Variants in BTNL8 observed in about 807,000 individuals in gnomAD.
BTNL8 encodes the protein butyrophilin-like protein 8.
Under a neutral mutation model 36.1 loss-of-function variants are expected in BTNL8, and 22 were observed. The ratio of observed to expected loss-of-function variants is 0.61; its 90% CI spans 0.44 to 0.87. The LOEUF (loss-of-function observed/expected upper bound fraction) is 0.87, where lower values mean the gene tolerates loss of function less well. Ranked by LOEUF, BTNL8 falls within the 40% of genes least tolerant of loss-of-function variation. BTNL8 has a pLI of 0.00. For missense variants in BTNL8, 526 were observed against 616.9 expected (o/e 0.85, Z 1.56); for synonymous variants, 203 against 235.6 (o/e 0.86, Z 1.27).
chr5:180,931,549 C>T (rs908915354), intron 3 of BTNL8, among the ~76,000 whole-genome samples: 4 of 151,964 alleles, frequency 2.6e-5, no homozygotes, highest in African/African-American at 7.3e-5. Context: ...AAAATTTTTG[C>T]AATCCATCCA....
rs368569419 is a variant in BTNL8 at position 180,949,274 on chromosome 5, G to A, written c.862+9G>A. The A allele has an allele frequency of 6.0e-5, 87 of 1,460,974 alleles. 26 individuals carry two copies. Among genetic ancestry groups the A allele is most frequent in the Non-Finnish European group, 7.6e-5 (80 of 1,058,262 alleles). 90.5% of individuals were successfully genotyped at this position (1,460,974 alleles called of 1,614,324 possible). A position where few individuals can be genotyped will look rare whatever the true frequency, so the allele number is the denominator to read the frequency against. On this transcript the variant is annotated intron_variant, in intron 7 of 7. Transcript: ENST00000340184. ...CGCCCGGAAACACGCAGGTACCAACGCCTGAGAGGGTGACAGTGGGACAGA... is the reference window on the plus strand; with the variant it reads ...CGCCCGGAAACACGCAGGTACCAACACCTGAGAGGGTGACAGTGGGACAGA...
Position 180,949,835 on chromosome 5 carries a change from G to A in BTNL8, c.863-69G>A, listed in dbSNP as rs113270200. On this transcript the variant is annotated intron_variant, in intron 7 of 7. Coordinates refer to ENST00000340184, the MANE Select transcript of BTNL8 (RefSeq NM_001040462.3). ...AGAGCCAGTCTGCAGTGGGAGGGTC[G>A]ACCTCTTGCTCCAGCCCAGATTTCG... 81 of 1,402,824 alleles carry A rather than the reference G, an allele frequency of 5.8e-5. 6 individuals are homozygous for A. In the African/African-American group the frequency reaches 1.1e-3, roughly 19 times the overall value. 86.9% of individuals were successfully genotyped at this position (1,402,824 alleles called of 1,614,324 possible).
intron 3 of BTNL8, among the ~76,000 whole-genome samples, chr5:180,919,847 A>G (rs1582030222): frequency 6.6e-6 from 1 of 152,222 alleles, no homozygotes. Flanking sequence ...AAAGATCTGT[A>G]CACTGAAAAC....
At chr5:180,908,072 A>C (rs1293127465) in intron 1 of BTNL8, among the ~76,000 whole-genome samples, 15 of 152,340 alleles carry the variant, frequency 9.8e-5, no homozygotes, top group East Asian at 1.9e-4. Flanking sequence ...TTGTTTACCT[A>C]ATCAAGCCTG....
In BTNL8 at chr5:180,950,026, A is replaced by C; in HGVS notation, c.985A>C (p.Ser329Arg). ...PHSEKRFTRK[S>R]VVASQSFQAG... ...CTCTGAGAAGAGATTTACAAGGAAG[A>C]GTGTGGTGGCTTCTCAGAGTTTCCA... The change falls in exon 8 of 8, where the codon AGT (serine) becomes CGT (arginine). Residue 329 changes from serine (S) to arginine (R), a missense_variant. Ser to Arg is a moderately radical substitution (Grantham distance 110, BLOSUM62 -1). Transcript: ENST00000340184. 2 of 1,462,208 alleles carry C rather than the reference A, an allele frequency of 1.4e-6. 1 individual carries two copies. The highest frequency in any genetic ancestry group is 1.9e-6 in the Non-Finnish European group (2 of 1,058,542). 90.6% of individuals were successfully genotyped at this position (1,462,208 alleles called of 1,614,324 possible). A position where few individuals can be genotyped will look rare whatever the true frequency, so the allele number is the denominator to read the frequency against.
At chr5:180,940,887 G>GTTTC (rs967765079) in intron 3 of BTNL8, among the ~76,000 whole-genome samples, 1 of 151,958 alleles carries the variant, frequency 6.6e-6, no homozygotes, top group Admixed American at 6.6e-5. Context: ...CCAACATGGT[G>GTTTC]GTGAAACCCT....
In BTNL8 at chr5:180,950,308, A is replaced by G. The variant is rs1759495235; in HGVS notation, c.1267A>G (p.Ile423Val). The stretch of plus-strand genomic sequence containing the variant: ...GTGTGGGACCATCTCCTTCTTCAAC[A>G]TAAATGACCAGTCCCTTATTTATAC... ...YECGTISFFN[I>V]NDQSLIYTLT... Residue 423 changes from isoleucine (I) to valine (V), a missense_variant, in exon 8 of 8, where the codon ATA becomes GTA. Physicochemically the swap from Ile to Val is conservative, Grantham distance 29. Transcript: ENST00000340184. 5 of 1,463,758 alleles carry G rather than the reference A, an allele frequency of 3.4e-6. 1 individual carries two copies. The East Asian group carries it at 9.8e-5, about 29-fold the overall frequency. The allele number at this position is 1,463,758 out of a possible 1,614,324, so 90.7% of individuals were successfully genotyped here.
At position 180,911,566 on chromosome 5, in the gene BTNL8, CG is replaced by C. The variant is rs1371663159; in HGVS notation, c.627del (p.His210MetfsTer4). On this transcript the variant is annotated frameshift_variant, in exon 3 of 8. Coordinates refer to ENST00000340184, the MANE Select transcript of BTNL8 (RefSeq NM_001040462.3). LOFTEE classifies it high-confidence loss of function. ...ENAGSISCSM[R>X]HAHLSREVES... is the part of the protein sequence containing the mutation. ...CGCCGGGAGCATATCCTGTTCCATG[CG>C]GCATGCTCATCTGAGCCGAGAGGTG... is the stretch of plus-strand genomic sequence containing the variant. The C allele has an allele frequency of 2.5e-6, 4 of 1,613,756 alleles. No individual in the cohort carries two copies. The African/African-American group carries it at 5.3e-5, about 22-fold the overall frequency.
At chr5:180,946,040 A>G (rs559199808) in intron 3 of BTNL8, 1 of 162,680 alleles carries the variant, frequency 6.1e-6, no homozygotes, top group African/African-American at 2.4e-5. Flanking sequence ...ACATGAAGAA[A>G]TGCTCAGCAT....
chr5:180,938,539 T>TTC (rs1758767717), intron 3 of BTNL8, among the ~76,000 whole-genome samples: 4 of 138,104 alleles, frequency 2.9e-5, no homozygotes, highest in Admixed American at 6.8e-5. Context: ...TTCCTTCCTT[T>TTC]CTTTCTTTTT....
At chr5:180,922,445 A>G in intron 3 of BTNL8, among the ~76,000 whole-genome samples, 1 of 151,382 alleles carries the variant, frequency 6.6e-6, no homozygotes. Flanking sequence ...TAATTTCATT[A>G]TTTACCCAAA....
At chr5:180,926,731 T>C (rs1390704811) in intron 3 of BTNL8, among the ~76,000 whole-genome samples, 3 of 152,212 alleles carry the variant, frequency 2.0e-5, no homozygotes, top group African/African-American at 4.8e-5. Context: ...TGGAGCCTAC[T>C]GCAGCTTGGC....
intron 3 of BTNL8, among the ~76,000 whole-genome samples, chr5:180,921,971 G>A: frequency 6.6e-6 from 1 of 152,118 alleles, no homozygotes; most frequent in Middle Eastern, 3.4e-3. Flanking sequence ...AGAATTTCTA[G>A]TTTGTGTGAA....
Position 180,948,096 on chromosome 5 carries a change from G to T in BTNL8, c.788-259G>T, listed in dbSNP as rs544283896. ...GCCACCCCCGCCTCCCCTCCCAGCTGCCTTCTCCCATCTCCATCCCCACCT... is the reference window on the plus strand; with the variant it reads ...GCCACCCCCGCCTCCCCTCCCAGCTTCCTTCTCCCATCTCCATCCCCACCT... On this transcript the variant is annotated intron_variant, in intron 4 of 7. Transcript: ENST00000340184. The T allele has an allele frequency of 5.8e-5, 36 of 618,482 alleles. No homozygotes were observed. The East Asian group carries it at 1.1e-3, about 19-fold the overall frequency. 38.3% of individuals were successfully genotyped at this position (618,482 alleles called of 1,614,324 possible).
At chr5:180,931,759 T>C (rs1467560089) in intron 3 of BTNL8, among the ~76,000 whole-genome samples, 2 of 152,310 alleles carry the variant, frequency 1.3e-5, no homozygotes, top group Middle Eastern at 6.8e-3. Context: ...CACAATGAGA[T>C]ACCATCTTGT....
intron 3 of BTNL8, among the ~76,000 whole-genome samples, chr5:180,914,895 C>T (rs249356): frequency 0.09 from 13,711 of 152,208 alleles, 704 homozygotes; most frequent in South Asian, 0.2. Context: ...ACTGCTCTTC[C>T]GAGGTAACTC....
In BTNL8 at chr5:180,936,167, C is replaced by T. The variant is rs1003865506; in HGVS notation, c.674-11345C>T. 4.6e-5 allele frequency among the ~76,000 whole-genome samples: 7 copies of T among 152,098 alleles called. No homozygotes were observed. In the East Asian group the frequency reaches 9.7e-4, roughly 21 times the overall value. Reference sequence around the variant, plus strand: ...CTTGTGATCTGCTTGCCTTGTCCTCCGAAAGTGCTGGGGTTACAGGCGTGA... The same window carrying T: ...CTTGTGATCTGCTTGCCTTGTCCTCTGAAAGTGCTGGGGTTACAGGCGTGA... On this transcript the variant is annotated intron_variant, in intron 3 of 7. Transcript: ENST00000340184.
intron 1 of BTNL8, among the ~76,000 whole-genome samples, chr5:180,907,830 C>T (rs1049275781): frequency 6.0e-5 from 9 of 151,088 alleles, no homozygotes; most frequent in South Asian, 2.1e-4. Flanking sequence ...TTAGGCTGCT[C>T]GGGGGTCAGG....
At chr5:180,947,762 A>G in intron 4 of BTNL8, 137 bp downstream of exon 4, 3 of 1,613,682 alleles carry the variant, frequency 1.9e-6, no homozygotes, top group Non-Finnish European at 2.5e-6. Context: ...AAAAGTAATC[A>G]TCCTTCTCTA....
Sources: gnomAD v4.1 joint callset for allele counts (sites outside exome capture counted in the v4.1 genomes callset) on GRCh38, gnomAD v4.1.1 for gene constraint, MANE v1.5 for transcripts, NCBI Gene and HGNC (gene_info 2026-07-23, HGNC 2026-07-21) for gene names.